Variants in TCF4 observed in about 807,000 individuals in gnomAD.
TCF4 encodes SL3-3 enhancer factor 2.
In TCF4, 3 loss-of-function variants were observed where a neutral mutation model predicts 82.1. The ratio of observed to expected loss-of-function variants is 0.04; its 90% CI spans 0.02 to 0.09. TCF4 has a LOEUF of 0.09. TCF4 is among the 10% of genes least tolerant of loss of function. The pLI, the probability that TCF4 is intolerant of heterozygous loss-of-function variation, is 1.00. For synonymous variants in TCF4, 276 were observed against 309.6 expected (o/e 0.89, Z 1.14); for missense variants, 518 against 852.7 (o/e 0.61, Z 4.89).
intron 6 of TCF4, among the ~76,000 whole-genome samples, chr18:55,393,213 A>G (rs999912537): frequency 9.9e-5 from 15 of 152,188 alleles, no homozygotes; most frequent in African/African-American, 3.6e-4. Flanking sequence ...AACATAAAAA[A>G]GTTAACCAGC....
intron 2 of TCF4, among the ~76,000 whole-genome samples, chr18:55,602,571 C>A (rs1334197362): frequency 6.6e-6 from 1 of 152,140 alleles, no homozygotes; most frequent in Non-Finnish European, 1.5e-5. Context: ...GTTTCATATT[C>A]CAAATCTCAA....
intron 8 of TCF4, among the ~76,000 whole-genome samples, chr18:55,323,119 G>C (rs1396385201): frequency 1.3e-5 from 2 of 152,130 alleles, no homozygotes; most frequent in Admixed American, 1.3e-4. Flanking sequence ...CAACAAAAAG[G>C]CGGGGGGAGG....
At position 55,223,137 on chromosome 18, in the gene TCF4, T is replaced by C. The variant is rs2046087420; in HGVS notation, c.*4898A>G. ...AGCACAACCGAAAACACTGGTGCAG[T>C]TCAGAGCTCTTCAAATGCATAGCTT... On this transcript the variant is annotated 3_prime_UTR_variant, in exon 20 of 20. Coordinates refer to ENST00000354452, the MANE Select transcript of TCF4 (RefSeq NM_001083962.2). 6.6e-6 allele frequency: 1 copy of C among 152,224 alleles called. No homozygotes were observed. Among genetic ancestry groups the C allele is most frequent in the South Asian group, 2.1e-4 (1 of 4,830 alleles). 9.4% of individuals were successfully genotyped at this position (152,224 alleles called of 1,614,324 possible). A position where few individuals can be genotyped will look rare whatever the true frequency, so the allele number is the denominator to read the frequency against.
chr18:55,454,191 G>A (rs73957199), intron 5 of TCF4, among the ~76,000 whole-genome samples: 4,665 of 152,064 alleles, frequency 0.031, 223 homozygotes, highest in African/African-American at 0.11. Context: ...ACTTATTTCC[G>A]CTTATATATA....
intron 3 of TCF4, among the ~76,000 whole-genome samples, chr18:55,474,255 A>G (rs940393153): frequency 6.6e-6 from 1 of 152,206 alleles, no homozygotes; most frequent in Non-Finnish European, 1.5e-5. Context: ...TATTGCCTAA[A>G]TTTACAGTGT....
At chr18:55,364,184 G>A (rs1233299680) in intron 6 of TCF4, among the ~76,000 whole-genome samples, 1 of 152,122 alleles carries the variant, frequency 6.6e-6, no homozygotes, top group Non-Finnish European at 1.5e-5. Context: ...TGACTTAGAA[G>A]TTTCAAGTTA....
chr18:55,623,910 A>G (rs2097724038), intron 2 of TCF4, among the ~76,000 whole-genome samples: 1 of 152,212 alleles, frequency 6.6e-6, no homozygotes, highest in Non-Finnish European at 1.5e-5. Flanking sequence ...TTAAACATCT[A>G]TTCAGAGGAT....
rs2097367706 is a variant in TCF4, at chr18:55,562,934, A to G, written c.145+22346T>C. Among the ~76,000 whole-genome samples the G allele has an allele frequency of 2.0e-5, 3 of 152,078 alleles. 1 individual carries two copies. The South Asian group carries it at 6.2e-4, about 31-fold the overall frequency. ...CATAGAAAGAAAACAGACTGACACAACTACTGGAATAAAAAATGCTTTGGG... is the reference window on the plus strand; with the variant it reads ...CATAGAAAGAAAACAGACTGACACAGCTACTGGAATAAAAAATGCTTTGGG... On this transcript the variant is annotated intron_variant, in intron 3 of 19. Coordinates refer to ENST00000354452, the MANE Select transcript of TCF4 (RefSeq NM_001083962.2).
chr18:55,321,508 A>G, intron 8 of TCF4: 1 of 1,061,028 alleles, frequency 9.4e-7, no homozygotes, highest in Non-Finnish European at 1.4e-6. Context: ...AGAAGTAGGC[A>G]AGAAGAAGAT....
At chr18:55,302,419 T>G in intron 8 of TCF4, 1 of 1,536,374 alleles carries the variant, frequency 6.5e-7, no homozygotes, top group Non-Finnish European at 8.7e-7. Context: ...ACCTTACCTC[T>G]GCTTTCCCTT....
intron 5 of TCF4, among the ~76,000 whole-genome samples, chr18:55,411,558 A>G (rs1023239782): frequency 4.6e-5 from 7 of 152,210 alleles, no homozygotes; most frequent in Non-Finnish European, 7.3e-5. Context: ...TCTTAGGCAG[A>G]AGGAAGACTT....
chr18:55,403,325 G>C (rs1003359833), intron 6 of TCF4, 129 bp downstream of exon 6: 3 of 1,001,502 alleles, frequency 3.0e-6, no homozygotes, highest in Admixed American at 1.7e-5. Flanking sequence ...TACTTAAAGA[G>C]AGAGCCATCA....
In TCF4 at chr18:55,368,075, T is replaced by A. The variant is rs1020727194; in HGVS notation, c.370-17072A>T. Among the ~76,000 whole-genome samples, 8 of 152,190 alleles carry A rather than the reference T, an allele frequency of 5.3e-5. No individual in the cohort carries two copies. The South Asian group carries it at 1.7e-3, about 31-fold the overall frequency. On this transcript the variant is annotated intron_variant, in intron 6 of 19. Coordinates refer to ENST00000354452, the MANE Select transcript of TCF4 (RefSeq NM_001083962.2). ...ATGAAGCAAATAACATATCCAAGAT[T>A]ACCCATGAAAAAACCTCATAGTGTT...
chr18:55,290,266 A>C (rs533390792), intron 8 of TCF4, among the ~76,000 whole-genome samples: 1 of 152,316 alleles, frequency 6.6e-6, no homozygotes, highest in African/African-American at 2.4e-5. Context: ...AGCTCAAATA[A>C]CTTTAGATGC....
intron 5 of TCF4, among the ~76,000 whole-genome samples, chr18:55,456,042 C>A (rs968050423): frequency 6.6e-6 from 1 of 152,228 alleles, no homozygotes; most frequent in Non-Finnish European, 1.5e-5. Context: ...CACAACACTT[C>A]ACCTTTATGC....
upstream of TCF4, chr18:55,589,556 T>G: frequency 9.6e-7 from 1 of 1,044,786 alleles, no homozygotes; most frequent in South Asian, 4.6e-5. Flanking sequence ...CAACAACTTT[T>G]TCTTATTGTT....
At chr18:55,492,921 G>A (rs2096591056) in intron 3 of TCF4, among the ~76,000 whole-genome samples, 1 of 152,132 alleles carries the variant, frequency 6.6e-6, no homozygotes, top group South Asian at 2.1e-4. Flanking sequence ...GGTAAGAGAA[G>A]GAGACACATA....
intron 3 of TCF4, among the ~76,000 whole-genome samples, chr18:55,498,796 G>A (rs1389934823): frequency 1.3e-5 from 2 of 152,306 alleles, no homozygotes; most frequent in Non-Finnish European, 2.9e-5. Flanking sequence ...AAAGTCACAC[G>A]TAAGACAGGA....
chr18:55,628,317 G>A lies in TCF4; in HGVS notation c.286+2981C>T, dbSNP rs1466215394. On this transcript the variant is annotated intron_variant, in intron 2 of 20. Coordinates refer to the TCF4 transcript ENST00000398339. ...GAGAGGCACTGCTTTCCTGGCATCT[G>A]GTTTGGCCACTAACATCACAATGAT... Among the ~76,000 whole-genome samples the A allele has an allele frequency of 2.6e-5, 4 of 152,084 alleles. No homozygotes were observed. The East Asian group carries it at 7.7e-4, about 29-fold the overall frequency.
Sources: allele counts gnomAD v4.1 joint callset (sites outside exome capture counted in the v4.1 genomes callset), GRCh38; gene constraint gnomAD v4.1.1; transcripts MANE v1.5; gene names NCBI Gene and HGNC (gene_info 2026-07-23, HGNC 2026-07-21).